OPCML: variants seen among roughly 807,000 people sequenced by gnomAD.
OPCML encodes opioid-binding protein/cell adhesion molecule.
OPCML carries 13 observed loss-of-function variants against 37.8 expected under a neutral mutation model. The observed-to-expected ratio is 0.34, with a 90% CI of 0.22 to 0.55. The LOEUF (loss-of-function observed/expected upper bound fraction) is 0.55, where lower values mean the gene tolerates loss of function less well. OPCML is among the 20% of genes least tolerant of loss of function. The pLI, the probability that OPCML is intolerant of heterozygous loss-of-function variation, is 0.91. For synonymous variants in OPCML, 176 were observed against 168.8 expected, an observed-to-expected ratio of 1.04 and a Z score of -0.33; for missense variants, 341 against 435.6, an observed-to-expected ratio of 0.78 and a Z score of 1.93.
chr11:133,246,123 T>C (rs781774011), intron 1 of OPCML, among the ~76,000 whole-genome samples: 1 of 152,012 alleles, frequency 6.6e-6, no homozygotes, highest in Non-Finnish European at 1.5e-5. Context: ...TAAAGTAAAA[T>C]TTAAAAAAAA....
chr11:132,446,819 A>C (rs530684171), intron 4 of OPCML, among the ~76,000 whole-genome samples: 2 of 152,184 alleles, frequency 1.3e-5, no homozygotes, highest in East Asian at 3.9e-4. Flanking sequence ...GGAAGGAGAC[A>C]CTGCCTCTTT....
chr11:132,875,973 C>A (rs1942994871), intron 2 of OPCML, among the ~76,000 whole-genome samples: 1 of 152,166 alleles, frequency 6.6e-6, no homozygotes, highest in Admixed American at 6.5e-5. Context: ...CTTAAGAAGG[C>A]AGATGGGATC....
intron 2 of OPCML, among the ~76,000 whole-genome samples, chr11:132,856,782 A>AC (rs1398739291): frequency 6.6e-6 from 1 of 152,092 alleles, no homozygotes; most frequent in Non-Finnish European, 1.5e-5. Flanking sequence ...GCAGACACCC[A>AC]CCCCAAGGGA....
At chr11:133,489,056 C>T (rs368402202) in intron 1 of OPCML, among the ~76,000 whole-genome samples, 9 of 152,022 alleles carry the variant, frequency 5.9e-5, no homozygotes, top group Admixed American at 3.9e-4. Flanking sequence ...GGACCCCTAT[C>T]TCTCACCACA....
intron 1 of OPCML, chr11:133,118,275 A>G (rs1949366928): frequency 1.0e-6 from 1 of 985,292 alleles, no homozygotes; most frequent in East Asian, 1.1e-4. Flanking sequence ...TTCACATCAT[A>G]TGAGCTGTAG....
chr11:133,329,079 C>A (rs1381183875), intron 1 of OPCML, among the ~76,000 whole-genome samples: 1 of 152,162 alleles, frequency 6.6e-6, no homozygotes, highest in African/African-American at 2.4e-5. Flanking sequence ...AACTCCCATT[C>A]ACAATTGCTT....
At chr11:132,885,058 TCCACTCCCTCTTCCA>T (rs1943359263) in intron 2 of OPCML, among the ~76,000 whole-genome samples, 1 of 152,142 alleles carries the variant, frequency 6.6e-6, no homozygotes, top group African/African-American at 2.4e-5. Context: ...TGCCTTCTCC[TCCACTCCCTCTTCCA>T]CCATAACAAT....
intron 3 of OPCML, among the ~76,000 whole-genome samples, chr11:132,642,615 A>T (rs967304772): frequency 1.8e-4 from 28 of 152,240 alleles, no homozygotes; most frequent in African/African-American, 6.5e-4. Context: ...AATATTTGTC[A>T]TGCAATCTCA....
At position 133,174,802 on chromosome 11, in the gene OPCML, A is replaced by T. The variant is rs998161976; in HGVS notation, c.62-231792T>A. Among the ~76,000 whole-genome samples the T allele has an allele frequency of 6.6e-6, 1 of 152,210 alleles. No individual in the cohort carries two copies. Among genetic ancestry groups the T allele is most frequent in the Non-Finnish European group, 1.5e-5 (1 of 68,040 alleles). On this transcript the variant is annotated intron_variant, in intron 1 of 7. Transcript: ENST00000524381. This position sits in a 1 kb window ranked among gnomAD's most constrained non-coding sequence, Gnocchi z 4.6. Reference sequence around the variant, plus strand: ...ATTATAATTCATTTATGATGAGTGTATACTTCGTGTGCACTAGAAAAAGAG... The same window carrying T: ...ATTATAATTCATTTATGATGAGTGTTTACTTCGTGTGCACTAGAAAAAGAG...
intron 2 of OPCML, among the ~76,000 whole-genome samples, chr11:132,712,397 C>T (rs1944304174): frequency 6.6e-6 from 1 of 151,932 alleles, no homozygotes. Flanking sequence ...GGCTCCCCCT[C>T]GGTGGAAGAG....
intron 1 of OPCML, among the ~76,000 whole-genome samples, chr11:133,378,236 T>A (rs1361608728): frequency 1.3e-5 from 2 of 152,196 alleles, no homozygotes; most frequent in Non-Finnish European, 2.9e-5. Context: ...TTCAATGAAA[T>A]CTTTGTGTCG....
intron 1 of OPCML, among the ~76,000 whole-genome samples, chr11:133,456,341 T>A (rs1217101236): frequency 1.3e-5 from 2 of 152,102 alleles, no homozygotes; most frequent in Admixed American, 1.3e-4. Context: ...CCTCAGAATA[T>A]CTTAAGCCTC....
At chr11:132,842,437 G>T (rs538533481) in intron 2 of OPCML, among the ~76,000 whole-genome samples, 3 of 152,300 alleles carry the variant, frequency 2.0e-5, no homozygotes, top group African/African-American at 7.2e-5. Flanking sequence ...AGTAGCTTAA[G>T]GGCTAAACAA....
At chr11:132,929,322 G>A (rs1272245434) in intron 2 of OPCML, among the ~76,000 whole-genome samples, 3 of 151,998 alleles carry the variant, frequency 2.0e-5, no homozygotes, top group African/African-American at 7.2e-5. Context: ...ACAAGTATGT[G>A]CCAACAAATT....
intron 1 of OPCML, among the ~76,000 whole-genome samples, chr11:133,083,644 G>A (rs975110887): frequency 6.6e-6 from 1 of 152,218 alleles, no homozygotes. Flanking sequence ...ATTCATACTG[G>A]AACAGTTATC....
intron 1 of OPCML, among the ~76,000 whole-genome samples, chr11:133,221,562 C>T (rs914940744): frequency 1.3e-5 from 2 of 152,122 alleles, no homozygotes; most frequent in Non-Finnish European, 2.9e-5. Flanking sequence ...GTGTCCATAC[C>T]GGTGAATCAC....
intron 1 of OPCML, among the ~76,000 whole-genome samples, chr11:133,134,387 C>A (rs1397180187): frequency 6.6e-6 from 1 of 152,122 alleles, no homozygotes; most frequent in Non-Finnish European, 1.5e-5. Flanking sequence ...TCTTTCCTCC[C>A]AAACACTGGA....
rs369299683 is a variant in OPCML at position 132,558,046 on chromosome 11, G to A, written c.380-28860C>T. Among the ~76,000 whole-genome samples, 181 of 152,170 alleles carry A rather than the reference G, an allele frequency of 1.2e-3. 1 individual carries two copies. The highest frequency in any genetic ancestry group is 4.2e-3 in the African/African-American group (176 of 41,522). On this transcript the variant is annotated intron_variant, in intron 3 of 7. Transcript: ENST00000524381. The stretch of plus-strand genomic sequence containing the variant: ...AGTCCCTACTATGTGTAGGGCATGT[G>A]AGTAGTTAGAGGAGATGCATTGAAG...
At chr11:132,590,558 T>C (rs536892474) in intron 3 of OPCML, among the ~76,000 whole-genome samples, 8 of 152,202 alleles carry the variant, frequency 5.3e-5, no homozygotes, top group Non-Finnish European at 1.2e-4. Context: ...TATTTAAAAT[T>C]CTCAACATCT....
Sources: gnomAD v4.1 joint callset for allele counts (sites outside exome capture counted in the v4.1 genomes callset) on GRCh38, gnomAD v4.1.1 for gene constraint, Gnocchi (gnomAD v3.1) non-coding constraint, MANE v1.5 for transcripts, NCBI Gene and HGNC (gene_info 2026-07-23, HGNC 2026-07-21) for gene names.